Variants in TMEM132D observed in about 807,000 individuals in gnomAD.
The protein encoded by TMEM132D is mature OL transmembrane protein.
In TMEM132D, 21 loss-of-function variants were observed where a neutral mutation model predicts 62.3. That is an observed-to-expected ratio of 0.34 (90% CI 0.24 to 0.49). The LOEUF (loss-of-function observed/expected upper bound fraction) is 0.49. TMEM132D is among the 20% of genes least tolerant of loss of function. The pLI, the probability that TMEM132D is intolerant of heterozygous loss-of-function variation, is 0.99. For synonymous variants in TMEM132D, 621 were observed against 575.6 expected, an observed-to-expected ratio of 1.08 and a Z score of -1.13; for missense variants, 1,346 against 1,402.8, an observed-to-expected ratio of 0.96 and a Z score of 0.65.
intron 3 of TMEM132D, among the ~76,000 whole-genome samples, chr12:129,483,645 T>C (rs1874493379): frequency 6.6e-6 from 1 of 152,226 alleles, no homozygotes; most frequent in Non-Finnish European, 1.5e-5. Flanking sequence ...ACACAAACGC[T>C]GCCAGCAGTT....
rs2010480 is a variant in TMEM132D at position 129,707,345 on chromosome 12, G to A, written c.80-6647C>T. Among the ~76,000 whole-genome samples the A allele has an allele frequency of 4.3e-5, 6 of 141,174 alleles. No individual in the cohort carries two copies. The South Asian group carries it at 1.2e-3, about 29-fold the overall frequency. The allele number at this position is 141,174 out of a possible 152,430, so 92.6% of individuals were successfully genotyped here. ...AGATTGTTAAAAATGAACAAATCAT[G>A]CATTTATATAGTCTCTCATACAAAA... On this transcript the variant is annotated intron_variant, in intron 1 of 8. Transcript: ENST00000422113.
At chr12:129,771,776 T>C (rs1426014383) in intron 1 of TMEM132D, among the ~76,000 whole-genome samples, 3 of 152,270 alleles carry the variant, frequency 2.0e-5, no homozygotes, top group Admixed American at 6.5e-5. Flanking sequence ...GGTTCTCTGA[T>C]GACGAGAATT....
intron 1 of TMEM132D, among the ~76,000 whole-genome samples, chr12:129,828,535 G>A (rs1872721286): frequency 6.6e-6 from 1 of 150,644 alleles, no homozygotes. Flanking sequence ...GGTACAATAT[G>A]AGCACTCAAA....
intron 4 of TMEM132D, among the ~76,000 whole-genome samples, chr12:129,296,591 C>T (rs562576605): frequency 6.6e-6 from 1 of 152,192 alleles, no homozygotes; most frequent in African/African-American, 2.4e-5. Context: ...GGCTGTAATT[C>T]TGTTTTCCTG....
intron 3 of TMEM132D, among the ~76,000 whole-genome samples, chr12:129,422,739 T>C (rs1484338254): frequency 6.6e-6 from 1 of 152,158 alleles, no homozygotes; most frequent in East Asian, 1.9e-4. Context: ...CAGAATTATT[T>C]ATACTGATAA....
chr12:129,407,959 G>C (rs1410266364), intron 3 of TMEM132D, among the ~76,000 whole-genome samples: 1 of 151,402 alleles, frequency 6.6e-6, no homozygotes, highest in Admixed American at 6.6e-5. Flanking sequence ...TACTGGAAAA[G>C]ACTGGAGAGC....
chr12:129,340,087 C>T (rs1315246511), intron 3 of TMEM132D, among the ~76,000 whole-genome samples: 3 of 152,124 alleles, frequency 2.0e-5, no homozygotes, highest in South Asian at 4.2e-4. Context: ...CTAGAAGAGC[C>T]ACCTATAATA....
intron 3 of TMEM132D, among the ~76,000 whole-genome samples, chr12:129,421,437 A>G (rs558249991): frequency 6.2e-4 from 95 of 152,206 alleles, no homozygotes; most frequent in Non-Finnish European, 1.1e-3. Context: ...GTCTGGATAC[A>G]TTTGTGCTTG....
chr12:129,493,324 G>GTTCACAT (rs1363762826), intron 3 of TMEM132D, among the ~76,000 whole-genome samples: 1 of 152,156 alleles, frequency 6.6e-6, no homozygotes, highest in East Asian at 1.9e-4. Context: ...GATGATATTA[G>GTTCACAT]TTCACATTTC....
chr12:129,835,400 C>T (rs952746523), intron 1 of TMEM132D, among the ~76,000 whole-genome samples: 1 of 152,124 alleles, frequency 6.6e-6, no homozygotes, highest in Non-Finnish European at 1.5e-5. Context: ...AAGCGATCCT[C>T]CTGCCTCAGC....
intron 1 of TMEM132D, among the ~76,000 whole-genome samples, chr12:129,855,367 G>A (rs867747425): frequency 2.1e-4 from 8 of 38,218 alleles, no homozygotes; most frequent in African/African-American, 7.9e-4. Context: ...CGGGATGGGT[G>A]CCCTTGTAAC....
chr12:129,731,566 T>C (rs1869237465), intron 1 of TMEM132D, among the ~76,000 whole-genome samples: 2 of 151,924 alleles, frequency 1.3e-5, no homozygotes, highest in African/African-American at 2.4e-5. Context: ...AGCAAGGAGA[T>C]CCGGGTGGCA....
At position 129,337,324 on chromosome 12, in the gene TMEM132D, C is replaced by T. The variant is rs537404590; in HGVS notation, c.1299+310G>A. ...TATGCTACAAACACATCTATCGAGT[C>T]GTCAACAATTTTCACACAATAGCAG... On this transcript the variant is annotated intron_variant, in intron 4 of 8. Transcript: ENST00000422113. Among the ~76,000 whole-genome samples the T allele has an allele frequency of 7.4e-4, 112 of 152,198 alleles. 1 individual carries two copies. In the South Asian group the frequency reaches 0.021, roughly 29 times the overall value.
chr12:129,746,997 C>G (rs1869804352), intron 1 of TMEM132D, among the ~76,000 whole-genome samples: 2 of 152,178 alleles, frequency 1.3e-5, no homozygotes, highest in Admixed American at 1.3e-4. Flanking sequence ...ATCTGGGTGC[C>G]TTGCTCCTGC....
intron 4 of TMEM132D, among the ~76,000 whole-genome samples, chr12:129,236,701 T>G (rs1879796216): frequency 6.6e-6 from 1 of 152,134 alleles, no homozygotes; most frequent in Admixed American, 6.5e-5. Flanking sequence ...CTTTCCGATT[T>G]GAATGCCTTT....
chr12:129,780,906 C>G (rs1011367996), intron 1 of TMEM132D, among the ~76,000 whole-genome samples: 21 of 152,156 alleles, frequency 1.4e-4, no homozygotes, highest in Admixed American at 1.4e-3. Context: ...ATTCCAGTAA[C>G]AGCCATAGTC....
Position 129,235,146 on chromosome 12 carries a change from C to T in TMEM132D, c.1300-25483G>A, listed in dbSNP as rs532253800. ...CCAGCCTCCGCTATGCTAGGCATTCCATAACTGCTTTATTCAGGTATAGTT... is the reference window on the plus strand; with the variant it reads ...CCAGCCTCCGCTATGCTAGGCATTCTATAACTGCTTTATTCAGGTATAGTT... On this transcript the variant is annotated intron_variant, in intron 4 of 8. Transcript: ENST00000422113. 9.8e-5 allele frequency among the ~76,000 whole-genome samples: 15 copies of T among 152,340 alleles called. No homozygotes were observed. In the South Asian group the frequency reaches 2.9e-3, roughly 29 times the overall value.
chr12:129,353,728 G>A (rs929832588), intron 3 of TMEM132D, among the ~76,000 whole-genome samples: 6 of 152,166 alleles, frequency 3.9e-5, no homozygotes, highest in Non-Finnish European at 5.9e-5. Context: ...GCTATTTTGT[G>A]TTTAGCACGG....
At chr12:129,651,921 T>C (rs1381706736) in intron 2 of TMEM132D, among the ~76,000 whole-genome samples, 1 of 152,168 alleles carries the variant, frequency 6.6e-6, no homozygotes, top group East Asian at 1.9e-4. Flanking sequence ...AATTTTAGGC[T>C]TTGAATTCCA....
Sources: allele counts gnomAD v4.1 joint callset (sites outside exome capture counted in the v4.1 genomes callset), GRCh38; gene constraint gnomAD v4.1.1; transcripts MANE v1.5; gene names NCBI Gene and HGNC (gene_info 2026-07-23, HGNC 2026-07-21).